The following CLVS1 variants were observed in gnomAD, a reference collection of about 807,000 sequenced individuals.
The protein encoded by CLVS1 is clavesin-1.
CLVS1 carries 10 observed loss-of-function variants against 33.1 expected under a neutral mutation model. The ratio of observed to expected loss-of-function variants is 0.30; its 90% CI spans 0.19 to 0.51. The LOEUF (loss-of-function observed/expected upper bound fraction) is 0.51, where lower values mean the gene tolerates loss of function less well. Among genes scored for constraint, CLVS1 ranks in the 20% least tolerant of loss-of-function variants. The pLI, the probability that CLVS1 is intolerant of heterozygous loss-of-function variation, is 0.97. For synonymous variants in CLVS1, 163 were observed against 166.1 expected, an observed-to-expected ratio of 0.98 and a Z score of 0.14; for missense variants, 343 against 433.4, an observed-to-expected ratio of 0.79 and a Z score of 1.85.
At chr8:61,138,413 C>T (rs16926915) in intron 2 of CLVS1, among the ~76,000 whole-genome samples, 6,657 of 152,306 alleles carry the variant, frequency 0.044, 183 homozygotes, top group South Asian at 0.1. Flanking sequence ...CTATAAGTGT[C>T]CATTGGGCAG....
chr8:61,094,970 T>C (rs1805321350), intron 1 of CLVS1, among the ~76,000 whole-genome samples: 1 of 152,250 alleles, frequency 6.6e-6, no homozygotes, highest in Non-Finnish European at 1.5e-5. Context: ...GTAAACCCCA[T>C]GATTATTCTT....
intron 3 of CLVS1, among the ~76,000 whole-genome samples, chr8:61,423,035 A>G (rs1200192623): frequency 1.3e-5 from 2 of 152,194 alleles, no homozygotes; most frequent in Non-Finnish European, 2.9e-5. Context: ...TTCAGGGTCC[A>G]CTGATTGTTC....
the CLVS1 span, among the ~76,000 whole-genome samples, chr8:61,033,044 AG>A: frequency 1.2e-4 from 13 of 108,574 alleles, 1 homozygote; most frequent in Non-Finnish European, 2.7e-4. Context: ...AAAGAAAGAA[AG>A]AAAAAGAAAG....
upstream of CLVS1, among the ~76,000 whole-genome samples, chr8:61,283,276 TTACTC>T (rs1265845027): frequency 2.6e-5 from 4 of 152,220 alleles, no homozygotes; most frequent in Non-Finnish European, 4.4e-5. Flanking sequence ...TTGAATTACT[TTACTC>T]TTCCTTTTTG....
At chr8:61,438,890 G>A (rs1816441162) in intron 3 of CLVS1, among the ~76,000 whole-genome samples, 2 of 152,140 alleles carry the variant, frequency 1.3e-5, no homozygotes, top group African/African-American at 4.8e-5. Context: ...CATAGTTCCT[G>A]ATGCATACTA....
At chr8:61,347,182 G>T (rs1416700938) in intron 2 of CLVS1, among the ~76,000 whole-genome samples, 1 of 152,140 alleles carries the variant, frequency 6.6e-6, no homozygotes, top group Admixed American at 6.5e-5. Flanking sequence ...GCAGTAGCAG[G>T]CCATGGAGGC....
intron 2 of CLVS1, among the ~76,000 whole-genome samples, chr8:61,276,179 A>C (rs1809558876): frequency 6.6e-6 from 1 of 152,196 alleles, no homozygotes; most frequent in Non-Finnish European, 1.5e-5. Flanking sequence ...ATGAAGGACA[A>C]AATCCAGATT....
At chr8:60,988,935 G>T in the CLVS1 span, among the ~76,000 whole-genome samples, 1 of 152,170 alleles carries the variant, frequency 6.6e-6, no homozygotes, top group Non-Finnish European at 1.5e-5. Flanking sequence ...CATGATCAAA[G>T]TTCACCACAG....
At position 61,303,709 on chromosome 8, in the gene CLVS1, C is replaced by A. The variant is rs536752151; in HGVS notation, c.455+3427C>A. 4.8e-4 allele frequency among the ~76,000 whole-genome samples: 73 copies of A among 152,262 alleles called. No individual in the cohort carries two copies. The South Asian group carries it at 0.015, about 31-fold the overall frequency. Reference sequence around the variant, plus strand: ...TGTTGTTTACTGGTTATATAACTTTCGACAAGCAACCTCCCTGAAACTCAG... The same window carrying A: ...TGTTGTTTACTGGTTATATAACTTTAGACAAGCAACCTCCCTGAAACTCAG... On this transcript the variant is annotated intron_variant, in intron 2 of 5. Coordinates refer to ENST00000325897, the MANE Select transcript of CLVS1 (RefSeq NM_173519.3).
At chr8:61,244,375 A>G (rs1186449876) in intron 2 of CLVS1, among the ~76,000 whole-genome samples, 1 of 152,168 alleles carries the variant, frequency 6.6e-6, no homozygotes, top group Non-Finnish European at 1.5e-5. Flanking sequence ...ATTATTAGAA[A>G]GTTGTCTTGT....
intron 1 of CLVS1, among the ~76,000 whole-genome samples, chr8:61,078,520 T>C (rs1804965401): frequency 6.6e-6 from 1 of 152,212 alleles, no homozygotes; most frequent in Non-Finnish European, 1.5e-5. Flanking sequence ...CTGTTGGGTT[T>C]TCTATGAGCC....
At chr8:61,312,123 G>C (rs1256996798) in intron 2 of CLVS1, among the ~76,000 whole-genome samples, 3 of 152,112 alleles carry the variant, frequency 2.0e-5, no homozygotes, top group Non-Finnish European at 4.4e-5. Flanking sequence ...AGCAAGTTTT[G>C]TCCCCATAAG....
intron 3 of CLVS1, among the ~76,000 whole-genome samples, chr8:61,381,403 AT>A (rs942220970): frequency 6.6e-6 from 1 of 151,966 alleles, no homozygotes; most frequent in Non-Finnish European, 1.5e-5. Context: ...TTATTTAATT[AT>A]TTTTTTGTGT....
In CLVS1 at chr8:61,315,673, T is replaced by C. The variant is rs75113011; in HGVS notation, c.455+15391T>C. ...GGGTCGTACTTTCTTCCCTCAACTC[T>C]GCAGTGGTCTACATGGTTGAAGCTG... On this transcript the variant is annotated intron_variant, in intron 2 of 5. Coordinates refer to ENST00000325897, the MANE Select transcript of CLVS1 (RefSeq NM_173519.3). 1.6e-3 allele frequency among the ~76,000 whole-genome samples: 246 copies of C among 152,330 alleles called. 2 individuals are homozygous for C. The highest frequency in any genetic ancestry group is 5.5e-3 in the African/African-American group (228 of 41,566).
At chr8:61,491,184 T>C (rs1054546215) in intron 5 of CLVS1, among the ~76,000 whole-genome samples, 6 of 152,106 alleles carry the variant, frequency 3.9e-5, no homozygotes, top group Non-Finnish European at 2.9e-5. Flanking sequence ...AAAAATAAAA[T>C]CTAATTATTT....
chr8:61,197,157 G>T (rs1314730487), intron 2 of CLVS1, among the ~76,000 whole-genome samples: 2 of 152,170 alleles, frequency 1.3e-5, no homozygotes, highest in African/African-American at 4.8e-5. Context: ...ATAGCTTGAG[G>T]TCTTAATTTT....
chr8:61,032,243 G>A, the CLVS1 span, among the ~76,000 whole-genome samples: 3 of 152,302 alleles, frequency 2.0e-5, no homozygotes, highest in South Asian at 6.2e-4. Context: ...GGGGTGACAG[G>A]AGCAGGAAGG....
chr8:61,013,942 CGGGCCTCCT>C, the CLVS1 span, among the ~76,000 whole-genome samples: 4,645 of 152,098 alleles, frequency 0.031, 87 homozygotes, highest in Middle Eastern at 0.071. Context: ...AGACAGGCCT[CGGGCCTCCT>C]GGGGGACTGA....
chr8:61,051,171 G>A, the CLVS1 span, among the ~76,000 whole-genome samples: 2 of 152,212 alleles, frequency 1.3e-5, no homozygotes, highest in Non-Finnish European at 2.9e-5. Context: ...GGTCTGTGAT[G>A]AGCCAACTCT....
Sources: gnomAD v4.1 joint callset for allele counts (sites outside exome capture counted in the v4.1 genomes callset) on GRCh38, gnomAD v4.1.1 for gene constraint, MANE v1.5 for transcripts, NCBI Gene and HGNC (gene_info 2026-07-23, HGNC 2026-07-21) for gene names.